Variants in COMMD10 observed in about 807,000 individuals in gnomAD.
COMMD10 encodes COMM domain-containing protein 10.
COMMD10 carries 33 observed loss-of-function variants against 28.9 expected under a neutral mutation model. The ratio of observed to expected loss-of-function variants is 1.14; its 90% CI spans 0.87 to 1.53. The LOEUF is 1.53. COMMD10 is among the 40% of genes most tolerant of loss of function. COMMD10 has a pLI of 0.00. For missense variants in COMMD10, 310 were observed against 233.4 expected, an observed-to-expected ratio of 1.33 and a Z score of -2.14; for synonymous variants, 110 against 81.7, an observed-to-expected ratio of 1.35 and a Z score of -1.87.
At chr5:116,265,233 A>G (rs1284832046) in intron 5 of COMMD10, among the ~76,000 whole-genome samples, 6 of 151,750 alleles carry the variant, frequency 4.0e-5, no homozygotes, top group Non-Finnish European at 8.8e-5. Flanking sequence ...CTAGAGCATA[A>G]TATTCTGCAT....
chr5:116,218,153 T>G (rs1344483755), intron 5 of COMMD10: 1 of 1,041,872 alleles, frequency 9.6e-7, no homozygotes, highest in Non-Finnish European at 1.5e-6. Context: ...CTTCTCTCCC[T>G]TCTTTGCAGG....
At chr5:116,086,088 C>T (rs1473766039) in intron 1 of COMMD10, among the ~76,000 whole-genome samples, 1 of 152,170 alleles carries the variant, frequency 6.6e-6, no homozygotes, top group Non-Finnish European at 1.5e-5. Context: ...AATTTAAATA[C>T]CCTCTAGAGG....
intron 5 of COMMD10, among the ~76,000 whole-genome samples, chr5:116,259,062 ATT>A (rs36082006): frequency 6.5e-5 from 8 of 123,592 alleles, no homozygotes; most frequent in Admixed American, 1.7e-4. Flanking sequence ...ACGTCCTTTA[ATT>A]TTTTTTTTTT....
At chr5:116,212,808 T>C (rs1749002923) in intron 5 of COMMD10, among the ~76,000 whole-genome samples, 2 of 152,120 alleles carry the variant, frequency 1.3e-5, no homozygotes, top group Non-Finnish European at 2.9e-5. Context: ...GTTAGAATTT[T>C]AATGATTATA....
intron 4 of COMMD10, among the ~76,000 whole-genome samples, chr5:116,132,044 G>T (rs1055740760): frequency 6.6e-6 from 1 of 152,016 alleles, no homozygotes; most frequent in Admixed American, 6.6e-5. Flanking sequence ...AGAATTTTAA[G>T]AAGGGAAGTG....
chr5:116,202,595 G>A (rs542018281), intron 5 of COMMD10, among the ~76,000 whole-genome samples: 1 of 151,924 alleles, frequency 6.6e-6, no homozygotes, highest in Admixed American at 6.5e-5. Context: ...GTGTGAGATG[G>A]TATCTCATTG....
At position 116,210,927 on chromosome 5, in the gene COMMD10, A is replaced by T. The variant is rs189794982; in HGVS notation, c.510+76749A>T. 7.2e-3 allele frequency among the ~76,000 whole-genome samples: 1,093 copies of T among 150,766 alleles called. 18 individuals are homozygous for T. Among genetic ancestry groups the T allele is most frequent in the African/African-American group, 0.026 (1,049 of 40,344 alleles). On this transcript the variant is annotated intron_variant, in intron 5 of 6. Coordinates refer to ENST00000274458, the MANE Select transcript of COMMD10 (RefSeq NM_016144.4). ...CTATTATTATTCCTCTAGAAAAGATAATAATAATACATAGTTACAAGAACA... is the reference window on the plus strand; with the variant it reads ...CTATTATTATTCCTCTAGAAAAGATTATAATAATACATAGTTACAAGAACA...
At chr5:116,139,620 A>G (rs1419769592) in intron 5 of COMMD10, among the ~76,000 whole-genome samples, 1 of 151,348 alleles carries the variant, frequency 6.6e-6, no homozygotes, top group Non-Finnish European at 1.5e-5. Context: ...AGTATCACGT[A>G]TCATATCTTT....
chr5:116,258,725 C>G (rs1410922622), intron 5 of COMMD10, among the ~76,000 whole-genome samples: 1 of 151,604 alleles, frequency 6.6e-6, no homozygotes, highest in African/African-American at 2.4e-5. Context: ...CGTCCTCTTT[C>G]TTTCTCTTTG....
intron 4 of COMMD10, among the ~76,000 whole-genome samples, chr5:116,096,961 A>G (rs1039013843): frequency 6.6e-6 from 1 of 151,758 alleles, no homozygotes; most frequent in African/African-American, 2.4e-5. Flanking sequence ...TATTTTTCCT[A>G]TATTTTATAC....
In COMMD10 at chr5:116,263,409, A is replaced by G. The variant is rs147019482; in HGVS notation, c.511-28108A>G. Reference sequence around the variant, plus strand: ...GAAAAAATATTTAACCCCAAAATATATTTCCTTGCCATACCTTGAAATTGC... The same window carrying G: ...GAAAAAATATTTAACCCCAAAATATGTTTCCTTGCCATACCTTGAAATTGC... On this transcript the variant is annotated intron_variant, in intron 5 of 6. Coordinates refer to ENST00000274458, the MANE Select transcript of COMMD10 (RefSeq NM_016144.4). Among the ~76,000 whole-genome samples the G allele has an allele frequency of 1.8e-3, 270 of 151,890 alleles. 1 individual carries two copies. Among genetic ancestry groups the G allele is most frequent in the Non-Finnish European group, 3.3e-3 (227 of 67,988 alleles).
At chr5:116,109,918 G>A (rs1750987131) in intron 4 of COMMD10, among the ~76,000 whole-genome samples, 1 of 152,234 alleles carries the variant, frequency 6.6e-6, no homozygotes, top group Non-Finnish European at 1.5e-5. Flanking sequence ...TTAAATAGGA[G>A]TAGTGAAAAT....
At chr5:116,205,191 T>A (rs1748780860) in intron 5 of COMMD10, among the ~76,000 whole-genome samples, 1 of 152,032 alleles carries the variant, frequency 6.6e-6, no homozygotes, top group Admixed American at 6.6e-5. Flanking sequence ...GAGGAAGGGG[T>A]CTCTTCATAA....
chr5:116,093,001 T>C (rs775005914), intron 4 of COMMD10, among the ~76,000 whole-genome samples: 5 of 152,150 alleles, frequency 3.3e-5, no homozygotes, highest in Middle Eastern at 3.2e-3. Flanking sequence ...ATCATACATA[T>C]TGCTAGCCCA....
At chr5:116,275,301 C>T (rs1750874641) in intron 5 of COMMD10, among the ~76,000 whole-genome samples, 2 of 151,826 alleles carry the variant, frequency 1.3e-5, no homozygotes, top group South Asian at 4.1e-4. Context: ...GTAGACTGCT[C>T]TGCTTTTCCC....
chr5:116,097,875 A>G (rs1750518355), intron 4 of COMMD10, among the ~76,000 whole-genome samples: 1 of 152,064 alleles, frequency 6.6e-6, no homozygotes, highest in African/African-American at 2.4e-5. Flanking sequence ...CTCAACTATC[A>G]CAAGAATAGC....
intron 5 of COMMD10, among the ~76,000 whole-genome samples, chr5:116,271,151 T>TA (rs1343728567): frequency 6.6e-6 from 1 of 150,800 alleles, no homozygotes; most frequent in Non-Finnish European, 1.5e-5. Context: ...TACTTTGAAA[T>TA]AAAGTGTATA....
intron 5 of COMMD10, among the ~76,000 whole-genome samples, chr5:116,134,817 T>G (rs889185375): frequency 6.6e-6 from 1 of 152,172 alleles, no homozygotes. Context: ...GAGATGGGGT[T>G]TCACCGTGTT....
At chr5:116,244,211 A>T (rs1208600415) in intron 5 of COMMD10, among the ~76,000 whole-genome samples, 1 of 151,772 alleles carries the variant, frequency 6.6e-6, no homozygotes, top group Non-Finnish European at 1.5e-5. Flanking sequence ...GCTTTCTTTC[A>T]TTTTTTTTCT....
Sources: allele counts gnomAD v4.1 joint callset (sites outside exome capture counted in the v4.1 genomes callset), GRCh38; gene constraint gnomAD v4.1.1; transcripts MANE v1.5; gene names NCBI Gene and HGNC (gene_info 2026-07-23, HGNC 2026-07-21).